The following ABL1 variants were observed in gnomAD, a reference collection of about 807,000 sequenced individuals.
ABL1 encodes ABL proto-oncogene 1, non-receptor tyrosine kinase.
A neutral mutation model predicts 94.7 loss-of-function variants in ABL1; 11 were observed. That is an observed-to-expected ratio of 0.12 (90% CI 0.07 to 0.19). The LOEUF (loss-of-function observed/expected upper bound fraction) is 0.19, where lower values mean the gene tolerates loss of function less well. ABL1 is among the 10% of genes least tolerant of loss of function. ABL1 has a pLI of 1.00. For synonymous variants in ABL1, 656 were observed against 622.4 expected (o/e 1.05, Z -0.80); for missense variants, 1,082 against 1,489.4 (o/e 0.73, Z 4.50).
At chr9:130,866,069 T>C (rs1831151137) in intron 4 of ABL1, among the ~76,000 whole-genome samples, 1 of 152,172 alleles carries the variant, frequency 6.6e-6, no homozygotes. Context: ...AGTGTGGATA[T>C]TCCCCAATCT....
chr9:130,840,838 G>A (rs1388777655), intron 1 of ABL1, among the ~76,000 whole-genome samples: 2 of 151,980 alleles, frequency 1.3e-5, no homozygotes, highest in African/African-American at 2.4e-5. Flanking sequence ...CTCAAAAGTA[G>A]ACAGCATAAT....
intron 3 of ABL1, among the ~76,000 whole-genome samples, chr9:130,856,567 AT>A (rs1830979381): frequency 6.6e-6 from 1 of 152,238 alleles, no homozygotes; most frequent in African/African-American, 2.4e-5. Context: ...GTTAAAAAAA[AT>A]CAAAAGAACA....
rs941524457 is a variant in ABL1 at position 130,835,798 on chromosome 9, G to A, written c.79+273G>A. Among the ~76,000 whole-genome samples, 2 of 151,632 alleles carry A rather than the reference G, an allele frequency of 1.3e-5. No homozygotes were observed. The highest frequency in any genetic ancestry group is 1.3e-4 in the Admixed American group (2 of 15,244). ...CTCTTTCTCGCGATGGCCCCTAGGCGCCGCCGGCGGAGCGTGGCCCCCAGC... is the reference window on the plus strand; with the variant it reads ...CTCTTTCTCGCGATGGCCCCTAGGCACCGCCGGCGGAGCGTGGCCCCCAGC... On this transcript the variant is annotated intron_variant, in intron 1 of 10. Transcript: ENST00000318560. The surrounding 1 kb of genome is among the most constrained non-coding windows in gnomAD (Gnocchi z 4.6).
intron 1 of ABL1, among the ~76,000 whole-genome samples, chr9:130,848,595 A>G (rs1271141823): frequency 6.6e-6 from 1 of 152,104 alleles, no homozygotes; most frequent in Admixed American, 6.5e-5. Context: ...AGTAATAACA[A>G]CAATCCACAT....
intron 1 of ABL1, among the ~76,000 whole-genome samples, chr9:130,811,904 TCC>T (rs1830212024): frequency 1.0e-5 from 1 of 95,930 alleles, no homozygotes; most frequent in Non-Finnish European, 1.8e-5. Flanking sequence ...AGAGTGAGAC[TCC>T]GTCTCAAAAA....
chr9:130,727,992 T>A (rs1831610122), intron 1 of ABL1, among the ~76,000 whole-genome samples: 2 of 151,968 alleles, frequency 1.3e-5, no homozygotes, highest in Non-Finnish European at 1.5e-5. Flanking sequence ...AAAGAAAAGG[T>A]AGAATATTTA....
In ABL1 at chr9:130,876,988, T is replaced by C. The variant is rs1215073319; in HGVS notation, c.1271-1427T>C. On this transcript the variant is annotated intron_variant, in intron 7 of 10. Coordinates refer to ENST00000318560, the MANE Select transcript of ABL1 (RefSeq NM_005157.6). ...TCCGGACTTCGTGATCCGCCCACCT[T>C]GGCCTCCCAAAGTGCACAAGTTAGT... Among the ~76,000 whole-genome samples, 9 of 148,076 alleles carry C rather than the reference T, an allele frequency of 6.1e-5. 1 individual carries two copies. Among genetic ancestry groups the C allele is most frequent in the East Asian group, 5.8e-4 (3 of 5,158 alleles).
At chr9:130,782,450 T>A (rs150170430) in intron 1 of ABL1, among the ~76,000 whole-genome samples, 2 of 152,092 alleles carry the variant, frequency 1.3e-5, no homozygotes, top group Non-Finnish European at 2.9e-5. Context: ...CTGACCCAAG[T>A]TTGAAGAGAC....
chr9:130,873,081 G>A (rs374025930), intron 6 of ABL1, 44 bp downstream of exon 6: 14 of 1,584,270 alleles, frequency 8.8e-6, no homozygotes, highest in East Asian at 4.5e-5. Flanking sequence ...GTCACAGGGC[G>A]TGGAGCCGGG....
At chr9:130,771,756 T>TTTC (rs1554762491) in intron 1 of ABL1, among the ~76,000 whole-genome samples, 5 of 71,954 alleles carry the variant, frequency 6.9e-5, no homozygotes, top group South Asian at 6.4e-4. Flanking sequence ...TTCTTTCTTT[T>TTTC]TTTTTTTTTT....
At chr9:130,811,951 T>C (rs1043878399) in intron 1 of ABL1, among the ~76,000 whole-genome samples, 3 of 130,670 alleles carry the variant, frequency 2.3e-5, no homozygotes, top group African/African-American at 8.4e-5. Flanking sequence ...GGGATAAATA[T>C]CTTTAAATAA....
At chr9:130,818,001 C>T (rs1588251410) in intron 1 of ABL1, among the ~76,000 whole-genome samples, 1 of 152,146 alleles carries the variant, frequency 6.6e-6, no homozygotes, top group African/African-American at 2.4e-5. Context: ...ATATGCTTAA[C>T]TTAGGAGACC....
rs35623002 is a variant in ABL1 at position 130,879,199 on chromosome 9, G to A, written c.1423+632G>A. Among the ~76,000 whole-genome samples the A allele has an allele frequency of 2.0e-4, 30 of 152,274 alleles. No individual in the cohort carries two copies. In the East Asian group the frequency reaches 4.4e-3, roughly 23 times the overall value. ...GCTGCGAGGTGATTTTTATCTGGTC[G>A]TTTTATACTGATTACATATGTGTTA... On this transcript the variant is annotated intron_variant, in intron 8 of 10. Coordinates refer to ENST00000318560, the MANE Select transcript of ABL1 (RefSeq NM_005157.6).
chr9:130,820,952 C>T (rs1301526775), intron 1 of ABL1, among the ~76,000 whole-genome samples: 1 of 151,302 alleles, frequency 6.6e-6, no homozygotes, highest in Non-Finnish European at 1.5e-5. Flanking sequence ...TTTTTCGAGA[C>T]AGAGTCTCAC....
chr9:130,795,241 T>TA (rs1829959854), intron 1 of ABL1, among the ~76,000 whole-genome samples: 1 of 152,198 alleles, frequency 6.6e-6, no homozygotes, highest in African/African-American at 2.4e-5. Context: ...GATGCCCTGA[T>TA]ATTATGAAGT....
chr9:130,717,039 A>AT (rs1210084893), intron 1 of ABL1, among the ~76,000 whole-genome samples: 2 of 151,892 alleles, frequency 1.3e-5, no homozygotes, highest in African/African-American at 4.8e-5. Context: ...GTAAATCAAT[A>AT]TTTTCTTTTT....
intron 1 of ABL1, among the ~76,000 whole-genome samples, chr9:130,766,263 G>A (rs185585323): frequency 3.3e-4 from 51 of 152,342 alleles, no homozygotes; most frequent in Middle Eastern, 3.4e-3. Context: ...AGCCTGGAAG[G>A]CGGGTCTTGC....
rs762084744 is a variant in ABL1, at chr9:130,835,441, G to C, written c.-6G>C. On this transcript the variant is annotated 5_prime_UTR_variant, in exon 1 of 11. Coordinates refer to ENST00000318560, the MANE Select transcript of ABL1 (RefSeq NM_005157.6). This position sits in a 1 kb window ranked among gnomAD's most constrained non-coding sequence, Gnocchi z 4.6. The stretch of plus-strand genomic sequence containing the variant: ...GTTCCGGCCCCCGACGTGCTGGCGC[G>C]GGAAAATGTTGGAGATCTGCCTGAA... 1 of 1,546,132 alleles carries C rather than the reference G, an allele frequency of 6.5e-7. No homozygotes were observed. The highest frequency in any genetic ancestry group is 1.4e-5 in the African/African-American group (1 of 73,232).
chr9:130,876,142 G>A (rs1831338576), intron 7 of ABL1, among the ~76,000 whole-genome samples: 1 of 151,586 alleles, frequency 6.6e-6, no homozygotes, highest in African/African-American at 2.4e-5. Flanking sequence ...TGCTTGATTT[G>A]CTATCGTTTT....
Sources: gnomAD v4.1 joint callset for allele counts (sites outside exome capture counted in the v4.1 genomes callset) on GRCh38, gnomAD v4.1.1 for gene constraint, Gnocchi (gnomAD v3.1) non-coding constraint, MANE v1.5 for transcripts, NCBI Gene and HGNC (gene_info 2026-07-23, HGNC 2026-07-21) for gene names.